ERBB4: variants seen among roughly 807,000 people sequenced by gnomAD.
ERBB4 encodes the protein receptor tyrosine-protein kinase erbB-4.
A neutral mutation model predicts 158.0 loss-of-function variants in ERBB4; 42 were observed. The ratio of observed to expected loss-of-function variants is 0.27; its 90% CI spans 0.21 to 0.34. The LOEUF (loss-of-function observed/expected upper bound fraction) is 0.34, where lower values mean the gene tolerates loss of function less well. ERBB4 is among the 10% of genes least tolerant of loss of function. The pLI is 1.00. For synonymous variants in ERBB4, 583 were observed against 558.7 expected, an observed-to-expected ratio of 1.04 and a Z score of -0.61; for missense variants, 1,333 against 1,624.1, an observed-to-expected ratio of 0.82 and a Z score of 3.08.
At chr2:212,420,232 A>C (rs1168309330) in intron 1 of ERBB4, among the ~76,000 whole-genome samples, 1 of 152,072 alleles carries the variant, frequency 6.6e-6, no homozygotes, top group Non-Finnish European at 1.5e-5. Context: ...ATATTTCTGA[A>C]AACTGTTCCA....
intron 1 of ERBB4, among the ~76,000 whole-genome samples, chr2:212,536,692 C>T (rs1693086531): frequency 6.6e-6 from 1 of 152,180 alleles, no homozygotes; most frequent in Non-Finnish European, 1.5e-5. Flanking sequence ...CTGAAAAGGG[C>T]TTTTCGGCAT....
intron 2 of ERBB4, among the ~76,000 whole-genome samples, chr2:212,075,843 A>G (rs909223713): frequency 6.6e-6 from 1 of 151,912 alleles, no homozygotes; most frequent in African/African-American, 2.4e-5. Context: ...TGAATATGGG[A>G]AGAAGCACAA....
At chr2:212,175,468 T>A (rs2081635938) in intron 1 of ERBB4, among the ~76,000 whole-genome samples, 1 of 151,976 alleles carries the variant, frequency 6.6e-6, no homozygotes, top group Non-Finnish European at 1.5e-5. Context: ...CATTACCATG[T>A]ACTAGATTTT....
At chr2:211,587,673 G>A (rs895403490) in intron 19 of ERBB4, among the ~76,000 whole-genome samples, 1 of 151,946 alleles carries the variant, frequency 6.6e-6, no homozygotes, top group Non-Finnish European at 1.5e-5. Flanking sequence ...AATATCATTT[G>A]TCACTTTTTA....
chr2:211,793,320 C>T (rs898909711), intron 3 of ERBB4, among the ~76,000 whole-genome samples: 6 of 151,860 alleles, frequency 4.0e-5, no homozygotes, highest in African/African-American at 1.4e-4. Flanking sequence ...AACCTCTATC[C>T]CTGATTGTAT....
intron 17 of ERBB4, among the ~76,000 whole-genome samples, chr2:211,625,362 G>T (rs1251232000): frequency 1.3e-5 from 2 of 152,134 alleles, no homozygotes; most frequent in Non-Finnish European, 2.9e-5. Flanking sequence ...GCTTGGGTAT[G>T]AATTACCATG....
intron 1 of ERBB4, among the ~76,000 whole-genome samples, chr2:212,158,255 C>T (rs183426631): frequency 3.9e-4 from 60 of 152,094 alleles, no homozygotes; most frequent in Admixed American, 1.2e-3. Flanking sequence ...AGCACACATG[C>T]TGAAGCTTTT....
At chr2:211,428,720 A>G (rs2063688747) in intron 21 of ERBB4, among the ~76,000 whole-genome samples, 1 of 151,914 alleles carries the variant, frequency 6.6e-6, no homozygotes, top group Non-Finnish European at 1.5e-5. Context: ...TTCATTTTTT[A>G]TTTTATTTAT....
intron 20 of ERBB4, among the ~76,000 whole-genome samples, chr2:211,456,967 CAT>C (rs2064398374): frequency 6.6e-6 from 1 of 152,134 alleles, no homozygotes; most frequent in African/African-American, 2.4e-5. Context: ...GAAACATTGA[CAT>C]AAACTCATAA....
chr2:211,851,943 C>T (rs1488710458), intron 3 of ERBB4, among the ~76,000 whole-genome samples: 2 of 151,760 alleles, frequency 1.3e-5, no homozygotes, highest in South Asian at 2.1e-4. Flanking sequence ...CCAATAAGAC[C>T]TTTACTGATA....
At chr2:212,319,299 C>CT (rs1235144167) in intron 1 of ERBB4, among the ~76,000 whole-genome samples, 1 of 138,454 alleles carries the variant, frequency 7.2e-6, no homozygotes, top group African/African-American at 2.5e-5. Context: ...CCGCAGGAGT[C>CT]TAAGTTTTAA....
chr2:211,609,360 TCAA>T (rs2069104868), intron 19 of ERBB4, among the ~76,000 whole-genome samples: 1 of 152,084 alleles, frequency 6.6e-6, no homozygotes, highest in South Asian at 2.1e-4. Context: ...CTCAGAGAAA[TCAA>T]CAAGAATTTA....
intron 2 of ERBB4, among the ~76,000 whole-genome samples, chr2:211,983,696 G>A (rs2081864743): frequency 6.6e-6 from 1 of 152,094 alleles, no homozygotes; most frequent in Non-Finnish European, 1.5e-5. Context: ...TGTTAGAATT[G>A]TAGTTTAATT....
At chr2:211,756,158 A>G (rs569239462) in intron 4 of ERBB4, among the ~76,000 whole-genome samples, 2 of 152,272 alleles carry the variant, frequency 1.3e-5, no homozygotes, top group East Asian at 1.9e-4. Context: ...CCTGTCCTCA[A>G]GGAGGTTTTA....
intron 20 of ERBB4, among the ~76,000 whole-genome samples, chr2:211,546,877 T>A (rs905607063): frequency 6.6e-6 from 1 of 152,070 alleles, no homozygotes; most frequent in Non-Finnish European, 1.5e-5. Context: ...TAAAAATAAG[T>A]CATTATTACA....
chr2:211,975,041 T>C (rs1486480331), intron 2 of ERBB4, among the ~76,000 whole-genome samples: 1 of 152,092 alleles, frequency 6.6e-6, no homozygotes, highest in East Asian at 1.9e-4. Context: ...TGGACTGCAG[T>C]GGCACAATCG....
intron 1 of ERBB4, among the ~76,000 whole-genome samples, chr2:212,349,702 G>A (rs765681919): frequency 6.6e-6 from 1 of 152,054 alleles, no homozygotes; most frequent in South Asian, 2.1e-4. Flanking sequence ...TTCAAAACCA[G>A]AGGAAAAGTA....
intron 1 of ERBB4, among the ~76,000 whole-genome samples, chr2:212,214,976 A>C (rs1293338316): frequency 6.6e-6 from 1 of 151,628 alleles, no homozygotes; most frequent in Non-Finnish European, 1.5e-5. Flanking sequence ...TAATTACATG[A>C]AGCCAGAAAC....
chr2:211,861,192 T>A (rs1196744262), intron 3 of ERBB4, among the ~76,000 whole-genome samples: 4 of 109,642 alleles, frequency 3.6e-5, no homozygotes, highest in Non-Finnish European at 7.3e-5. Context: ...TGAGACAGAG[T>A]CTCACTCTGT....
Sources: allele counts gnomAD v4.1 joint callset (sites outside exome capture counted in the v4.1 genomes callset), GRCh38; gene constraint gnomAD v4.1.1; transcripts MANE v1.5; gene names NCBI Gene and HGNC (gene_info 2026-07-23, HGNC 2026-07-21).